EDIL3: variants seen among roughly 807,000 people sequenced by gnomAD.
EDIL3 encodes the protein EGF-like repeat and discoidin I-like domain-containing protein 3.
Under a neutral mutation model 67.4 loss-of-function variants are expected in EDIL3, and 37 were observed. That is an observed-to-expected ratio of 0.55 (90% CI 0.42 to 0.72). The LOEUF is 0.72. Ranked by LOEUF, EDIL3 falls within the 30% of genes least tolerant of loss-of-function variation. EDIL3 has a pLI of 0.00. For synonymous variants in EDIL3, 195 were observed against 196.3 expected, an observed-to-expected ratio of 0.99 and a Z score of 0.05; for missense variants, 527 against 586.3, an observed-to-expected ratio of 0.90 and a Z score of 1.04.
At chr5:84,311,731 G>C (rs1202198115) in intron 1 of EDIL3, among the ~76,000 whole-genome samples, 6 of 152,026 alleles carry the variant, frequency 3.9e-5, no homozygotes, top group Non-Finnish European at 8.8e-5. Context: ...TGTGTCCCTG[G>C]GTACTTGAGA....
chr5:84,048,075 T>C (rs1746255697), intron 9 of EDIL3: 1 of 262,918 alleles, frequency 3.8e-6, no homozygotes, highest in Non-Finnish European at 7.6e-6. Context: ...ATGTCAATAC[T>C]ATAGAAGAAC....
chr5:83,960,418 G>A (rs1580253479), intron 10 of EDIL3, among the ~76,000 whole-genome samples: 1 of 151,000 alleles, frequency 6.6e-6, no homozygotes, highest in African/African-American at 2.4e-5. Flanking sequence ...TTGGTTCGAT[G>A]TTTGAGGTGA....
Position 84,384,456 on chromosome 5 carries a change from C to G in EDIL3, c.-82G>C. ...TAGCCGAGGTGGCAGCGCAGGGCAG[C>G]AGCAGACTCCGCCCCTACTAAAGAA... is the stretch of plus-strand genomic sequence containing the variant. On this transcript the variant is annotated 5_prime_UTR_variant, in exon 1 of 11. Coordinates refer to ENST00000296591, the MANE Select transcript of EDIL3 (RefSeq NM_005711.5). The G allele has an allele frequency of 7.5e-7, 1 of 1,334,036 alleles. No individual in the cohort carries two copies. Among genetic ancestry groups the G allele is most frequent in the African/African-American group, 1.5e-5 (1 of 68,822 alleles). 82.6% of individuals were successfully genotyped at this position (1,334,036 alleles called of 1,614,324 possible). A position where few individuals can be genotyped will look rare whatever the true frequency, so the allele number is the denominator to read the frequency against.
intron 1 of EDIL3, among the ~76,000 whole-genome samples, chr5:84,366,393 CA>C (rs1163027274): frequency 2.6e-5 from 4 of 152,150 alleles, no homozygotes. Context: ...CCGTTTTACA[CA>C]TGAGAAAACC....
intron 4 of EDIL3, among the ~76,000 whole-genome samples, chr5:84,149,849 T>C (rs1748355796): frequency 6.6e-6 from 1 of 151,714 alleles, no homozygotes; most frequent in South Asian, 2.1e-4. Context: ...AATAGCAAAT[T>C]AGACATGCAA....
At chr5:84,040,579 C>T (rs1240489724) in intron 9 of EDIL3, among the ~76,000 whole-genome samples, 1 of 150,870 alleles carries the variant, frequency 6.6e-6, no homozygotes, top group African/African-American at 2.4e-5. Flanking sequence ...GATCTTCTTT[C>T]TCATAAATTT....
chr5:84,133,846 TA>T (rs1228810934), intron 5 of EDIL3, among the ~76,000 whole-genome samples: 1 of 152,022 alleles, frequency 6.6e-6, no homozygotes, highest in African/African-American at 2.4e-5. Flanking sequence ...TCTTCCAAAG[TA>T]AATAAATTGT....
Position 84,356,889 on chromosome 5 carries a change from C to CTTTTTTTTTTT in EDIL3, c.67+27408_67+27418dup, listed in dbSNP as rs1189590387. On this transcript the variant is annotated intron_variant, in intron 1 of 10. Transcript: ENST00000296591. ...GACCTTGAGAAAACAATCTTTCTTT[C>CTTTTTTTTTTT]TTTTTTTTTTTTTTTTTTTTTTTTT... Among the ~76,000 whole-genome samples the CTTTTTTTTTTT allele has an allele frequency of 1.0e-3, 33 of 32,092 alleles. 1 individual carries two copies. Among genetic ancestry groups the CTTTTTTTTTTT allele is most frequent in the Non-Finnish European group, 1.7e-3 (26 of 15,588 alleles). 21.1% of individuals were successfully genotyped at this position (32,092 alleles called of 152,430 possible).
intron 1 of EDIL3, among the ~76,000 whole-genome samples, chr5:84,334,043 C>G (rs1163089275): frequency 1.3e-5 from 2 of 149,852 alleles, no homozygotes; most frequent in Admixed American, 1.3e-4. Flanking sequence ...GATGCCCTTA[C>G]ACAGGGGCCA....
At chr5:84,229,628 TG>T (rs774179834) in intron 3 of EDIL3, among the ~76,000 whole-genome samples, 12 of 152,344 alleles carry the variant, frequency 7.9e-5, no homozygotes, top group Non-Finnish European at 1.5e-4. Context: ...TATTTTCCTC[TG>T]TATTAGTTCG....
intron 1 of EDIL3, among the ~76,000 whole-genome samples, chr5:84,291,090 T>C (rs1055712399): frequency 3.3e-5 from 5 of 152,178 alleles, no homozygotes; most frequent in African/African-American, 9.6e-5. Context: ...TGCAAGGTAG[T>C]GCCTGCCCAA....
chr5:84,373,971 A>G (rs896936725), intron 1 of EDIL3, among the ~76,000 whole-genome samples: 1 of 152,190 alleles, frequency 6.6e-6, no homozygotes, highest in East Asian at 1.9e-4. Context: ...TAAAAGGGCT[A>G]CAAGCTCATA....
chr5:84,284,613 T>C (rs1399632252), intron 1 of EDIL3, among the ~76,000 whole-genome samples: 2 of 152,204 alleles, frequency 1.3e-5, no homozygotes, highest in Non-Finnish European at 2.9e-5. Flanking sequence ...ACATGATTAC[T>C]TTTCTGTTTT....
chr5:84,076,727 A>G (rs201889508), intron 6 of EDIL3, among the ~76,000 whole-genome samples: 2 of 152,216 alleles, frequency 1.3e-5, no homozygotes, highest in Non-Finnish European at 2.9e-5. Flanking sequence ...ATAACTAGCA[A>G]CAAAGACTGT....
chr5:84,320,450 G>A lies in EDIL3; in HGVS notation c.67+63858C>T, dbSNP rs1253320275. ...AGGAGCCCTGGGAAGCTGTATATTC[G>A]CTCAAGTTTGAGAAGTATGGCAGCC... On this transcript the variant is annotated intron_variant, in intron 1 of 10. Transcript: ENST00000296591. Among the ~76,000 whole-genome samples the A allele has an allele frequency of 2.6e-5, 4 of 151,934 alleles. No homozygotes were observed. In the South Asian group the frequency reaches 6.3e-4, roughly 24 times the overall value.
At chr5:84,175,444 T>A (rs1476275594) in intron 4 of EDIL3, among the ~76,000 whole-genome samples, 1 of 152,248 alleles carries the variant, frequency 6.6e-6, no homozygotes, top group Non-Finnish European at 1.5e-5. Context: ...CCATTAGGCA[T>A]ACCTAACTTT....
At chr5:84,376,174 C>T (rs544621475) in intron 1 of EDIL3, among the ~76,000 whole-genome samples, 1 of 152,126 alleles carries the variant, frequency 6.6e-6, no homozygotes, top group African/African-American at 2.4e-5. Flanking sequence ...TAGCACCTGC[C>T]TCAATAGTTT....
Position 84,384,606 on chromosome 5 carries a change from G to T in EDIL3, c.-232C>A. 2.9e-6 allele frequency: 1 copy of T among 344,972 alleles called. No individual in the cohort carries two copies. Among genetic ancestry groups the T allele is most frequent in the East Asian group, 4.5e-5 (1 of 22,416 alleles). 21.4% of individuals were successfully genotyped at this position (344,972 alleles called of 1,614,324 possible). ...TGCGCTCCGGCGCGCGGAGGTGGGTGAGCTCCGGGGAGCCGCCGGCGGGCT... is the reference window on the plus strand; with the variant it reads ...TGCGCTCCGGCGCGCGGAGGTGGGTTAGCTCCGGGGAGCCGCCGGCGGGCT... On this transcript the variant is annotated 5_prime_UTR_variant, in exon 1 of 11. Transcript: ENST00000296591.
chr5:84,173,733 G>A (rs1224601050), intron 4 of EDIL3, among the ~76,000 whole-genome samples: 3 of 152,156 alleles, frequency 2.0e-5, no homozygotes, highest in Non-Finnish European at 4.4e-5. Context: ...ATGGAGACGG[G>A]GCCATCCCCC....
Sources: allele counts gnomAD v4.1 joint callset (sites outside exome capture counted in the v4.1 genomes callset), GRCh38; gene constraint gnomAD v4.1.1; transcripts MANE v1.5; gene names NCBI Gene and HGNC (gene_info 2026-07-23, HGNC 2026-07-21).